Variants in EYS observed in about 807,000 individuals in gnomAD.
The protein encoded by EYS is protein eyes shut homolog.
Under a neutral mutation model 282.1 loss-of-function variants are expected in EYS, and 250 were observed. That is an observed-to-expected ratio of 0.89 (90% CI 0.80 to 0.98). The LOEUF (loss-of-function observed/expected upper bound fraction) is 0.98, where lower values mean the gene tolerates loss of function less well. Among genes scored for constraint, EYS ranks in the 50% least tolerant of loss-of-function variants. The pLI, the probability that EYS is intolerant of heterozygous loss-of-function variation, is 0.00. For missense variants in EYS, 4,016 were observed against 3,709.0 expected, an observed-to-expected ratio of 1.08 and a Z score of -2.15; for synonymous variants, 1,355 against 1,282.9, an observed-to-expected ratio of 1.06 and a Z score of -1.20.
chr6:64,285,924 C>T (rs1018598646), intron 30 of EYS, among the ~76,000 whole-genome samples: 2 of 152,122 alleles, frequency 1.3e-5, no homozygotes, highest in Admixed American at 1.3e-4. Context: ...TATGGGAGTA[C>T]AATTCAAGAT....
intron 11 of EYS, among the ~76,000 whole-genome samples, chr6:65,299,417 A>C (rs1768754644): frequency 6.6e-6 from 1 of 152,000 alleles, no homozygotes; most frequent in Non-Finnish European, 1.5e-5. Flanking sequence ...CCCCCCCAAA[A>C]AACAACTTGG....
At chr6:65,183,186 C>T (rs542266283) in intron 12 of EYS, among the ~76,000 whole-genome samples, 40 of 151,940 alleles carry the variant, frequency 2.6e-4, no homozygotes, top group African/African-American at 8.7e-4. Context: ...AGTATTTTTT[C>T]GTATAGTTAT....
chr6:64,254,095 C>T (rs916451265), intron 30 of EYS, among the ~76,000 whole-genome samples: 3 of 152,048 alleles, frequency 2.0e-5, no homozygotes, highest in African/African-American at 7.2e-5. Context: ...GATTGTTGTT[C>T]TGCTCTAGGG....
At chr6:64,069,885 A>C (rs989958432) in intron 32 of EYS, among the ~76,000 whole-genome samples, 1 of 152,280 alleles carries the variant, frequency 6.6e-6, no homozygotes, top group South Asian at 2.1e-4. Flanking sequence ...GTTAACCTAA[A>C]TAACATATTT....
At chr6:65,080,853 T>C (rs1051990166) in intron 12 of EYS, among the ~76,000 whole-genome samples, 2 of 152,164 alleles carry the variant, frequency 1.3e-5, no homozygotes, top group Admixed American at 1.3e-4. Flanking sequence ...TTTGCATCTT[T>C]TTACATGTAC....
chr6:64,192,467 T>C (rs980368057), intron 31 of EYS, among the ~76,000 whole-genome samples: 1 of 152,174 alleles, frequency 6.6e-6, no homozygotes, highest in African/African-American at 2.4e-5. Context: ...AGCATGGTAC[T>C]GGTATCAAAA....
intron 1 of EYS, among the ~76,000 whole-genome samples, chr6:65,642,978 A>C (rs1293533774): frequency 2.0e-5 from 3 of 152,202 alleles, no homozygotes; most frequent in Non-Finnish European, 4.4e-5. Flanking sequence ...TACATCATAA[A>C]ATTTTGCTCC....
chr6:65,073,155 T>G (rs931888693), intron 12 of EYS, among the ~76,000 whole-genome samples: 2 of 151,744 alleles, frequency 1.3e-5, no homozygotes, highest in African/African-American at 2.4e-5. Flanking sequence ...CCTTTGGGCA[T>G]GTAGCAGATA....
At chr6:64,970,758 CAGAGA>C (rs1770264696) in intron 14 of EYS, among the ~76,000 whole-genome samples, 2 of 152,178 alleles carry the variant, frequency 1.3e-5, no homozygotes, top group South Asian at 4.1e-4. Context: ...TCCCAAAGAG[CAGAGA>C]AAAGTCATGA....
At chr6:64,501,946 G>T (rs1777059763) in intron 26 of EYS, among the ~76,000 whole-genome samples, 1 of 152,130 alleles carries the variant, frequency 6.6e-6, no homozygotes, top group Non-Finnish European at 1.5e-5. Flanking sequence ...ACTAGTTCTG[G>T]AACTTGGGCA....
chr6:64,246,541 G>T (rs1767030242), intron 30 of EYS, among the ~76,000 whole-genome samples: 1 of 152,068 alleles, frequency 6.6e-6, no homozygotes, highest in African/African-American at 2.4e-5. Context: ...TGTACAGTTT[G>T]CATAGCTCAA....
chr6:63,964,596 A>G (rs1766219358), intron 35 of EYS, among the ~76,000 whole-genome samples: 1 of 152,228 alleles, frequency 6.6e-6, no homozygotes, highest in South Asian at 2.1e-4. Context: ...CATTAAGGGA[A>G]ACACAGCAGG....
chr6:64,869,247 G>T (rs1393365401), intron 19 of EYS, among the ~76,000 whole-genome samples: 6 of 151,454 alleles, frequency 4.0e-5, no homozygotes, highest in African/African-American at 1.4e-4. Flanking sequence ...TATAATCCAT[G>T]CTCAGTTGTT....
intron 5 of EYS, among the ~76,000 whole-genome samples, chr6:65,426,369 G>C (rs1875662): frequency 1.3e-4 from 20 of 151,602 alleles, no homozygotes; most frequent in African/African-American, 4.8e-4. Flanking sequence ...AAAATACAGG[G>C]GTAACCTTGC....
rs1770906877 is a variant in EYS, at chr6:63,806,280, G to A, written c.7321C>T (p.His2441Tyr). 6.4e-7 allele frequency: 1 copy of A among 1,551,640 alleles called. No individual in the cohort carries two copies. Among genetic ancestry groups the A allele is most frequent in the Admixed American group, 2.0e-5 (1 of 51,002 alleles). Residue 2441 changes from histidine (H) to tyrosine (Y), a missense_variant, in exon 37 of 43, where the codon CAT (histidine) becomes TAT (tyrosine). Transcript: ENST00000503581. ...TGAAACTTCAGGTGGAATTCATAAT[G>A]GAAGCTGATGTCTGAGATCCGTGAA... ...AYSRISDISF[H>Y]YEFHLKFQLA... is the part of the protein sequence containing the mutation.
chr6:65,148,220 A>G (rs1186696976), intron 12 of EYS, among the ~76,000 whole-genome samples: 2 of 152,148 alleles, frequency 1.3e-5, no homozygotes, highest in Non-Finnish European at 2.9e-5. Flanking sequence ...CATCTGAGAC[A>G]AGGCAAGACC....
intron 36 of EYS, among the ~76,000 whole-genome samples, chr6:63,815,864 T>C (rs561052602): frequency 6.6e-6 from 1 of 152,190 alleles, no homozygotes; most frequent in African/African-American, 2.4e-5. Context: ...TGGTATTGTA[T>C]AAAAGATTAG....
At chr6:63,867,806 C>T (rs141761240) in intron 35 of EYS, among the ~76,000 whole-genome samples, 44 of 152,200 alleles carry the variant, frequency 2.9e-4, no homozygotes, top group Middle Eastern at 6.8e-3. Flanking sequence ...GCTCCTCTTG[C>T]CCTCTGAGAT....
chr6:64,151,339 A>ATATATT (rs1774715362), intron 31 of EYS, among the ~76,000 whole-genome samples: 1 of 118,566 alleles, frequency 8.4e-6, no homozygotes, highest in Admixed American at 8.2e-5. Flanking sequence ...ATATATATAT[A>ATATATT]TATATATATA....
Sources: gnomAD v4.1 joint callset for allele counts (sites outside exome capture counted in the v4.1 genomes callset) on GRCh38, gnomAD v4.1.1 for gene constraint, MANE v1.5 for transcripts, NCBI Gene and HGNC (gene_info 2026-07-23, HGNC 2026-07-21) for gene names.